Variants in CDH18 observed in about 807,000 individuals in gnomAD.
CDH18 encodes cadherin 18, also known as cadherin-18.
A neutral mutation model predicts 67.9 loss-of-function variants in CDH18; 31 were observed. That is an observed-to-expected ratio of 0.46 (90% CI 0.34 to 0.62). The LOEUF (loss-of-function observed/expected upper bound fraction) is 0.62, where lower values mean the gene tolerates loss of function less well. Ranked by LOEUF, CDH18 falls within the 20% of genes least tolerant of loss-of-function variation. The pLI, the probability that CDH18 is intolerant of heterozygous loss-of-function variation, is 0.01. For missense variants in CDH18, 890 were observed against 975.5 expected (o/e 0.91, Z 1.17); for synonymous variants, 362 against 347.2 (o/e 1.04, Z -0.48).
chr5:20,418,275 A>G (rs1226748432), intron 1 of CDH18, among the ~76,000 whole-genome samples: 2 of 18,438 alleles, frequency 1.1e-4, no homozygotes, highest in East Asian at 2.6e-3. Flanking sequence ...TTGTATTTTC[A>G]GTAGAGACGG....
intron 1 of CDH18, among the ~76,000 whole-genome samples, chr5:19,982,998 C>A (rs80068571): frequency 0.44 from 60,879 of 139,768 alleles, 14,968 homozygotes; most frequent in Middle Eastern, 0.62. Flanking sequence ...GCGCCACTGT[C>A]GTCCAGCCTG....
intron 1 of CDH18, among the ~76,000 whole-genome samples, chr5:20,377,366 T>C (rs1178525581): frequency 6.6e-6 from 1 of 152,202 alleles, no homozygotes; most frequent in Non-Finnish European, 1.5e-5. Flanking sequence ...GAAAGAGATA[T>C]TTGATTTTGT....
In CDH18 at chr5:20,264,233, G is replaced by A. The variant is rs553089664; in HGVS notation, c.-579-8728C>T. 1.5e-3 allele frequency among the ~76,000 whole-genome samples: 225 copies of A among 152,062 alleles called. 1 individual carries two copies. The highest frequency in any genetic ancestry group is 3.4e-4 in the Non-Finnish European group (23 of 67,936). ...GACCATGAATACTCTATGAAACAGC[G>A]AATTTTGCCAGTGAAGATACTGATG... On this transcript the variant is annotated intron_variant, in intron 1 of 14. Coordinates refer to the CDH18 transcript ENST00000507958.
At chr5:19,683,344 G>T (rs1055377522) in intron 5 of CDH18, among the ~76,000 whole-genome samples, 2 of 152,018 alleles carry the variant, frequency 1.3e-5, no homozygotes, top group Non-Finnish European at 2.9e-5. Flanking sequence ...TTCTTAGACA[G>T]TTGATTACTA....
chr5:20,511,197 C>T (rs1047407015), intron 1 of CDH18, among the ~76,000 whole-genome samples: 5 of 152,066 alleles, frequency 3.3e-5, no homozygotes, highest in African/African-American at 1.2e-4. Flanking sequence ...ATTGATAGTA[C>T]ACCAGAAGAA....
intron 8 of CDH18, among the ~76,000 whole-genome samples, chr5:19,570,434 T>C (rs746791739): frequency 3.9e-5 from 6 of 152,176 alleles, no homozygotes; most frequent in Non-Finnish European, 5.9e-5. Context: ...ATTGCTTCAC[T>C]ACATGCATGG....
chr5:19,556,127 C>T (rs2127176160), intron 8 of CDH18, among the ~76,000 whole-genome samples: 1 of 152,212 alleles, frequency 6.6e-6, no homozygotes, highest in South Asian at 2.1e-4. Flanking sequence ...TGAACAACAG[C>T]CTGAGTCACA....
intron 3 of CDH18, among the ~76,000 whole-genome samples, chr5:19,767,015 T>G (rs1346720216): frequency 6.6e-6 from 1 of 151,718 alleles, no homozygotes; most frequent in Non-Finnish European, 1.5e-5. Flanking sequence ...TTAATAAATA[T>G]TATTAAAAAT....
intron 5 of CDH18, among the ~76,000 whole-genome samples, chr5:19,715,997 T>G (rs2150553614): frequency 6.6e-6 from 1 of 152,112 alleles, no homozygotes; most frequent in Middle Eastern, 3.4e-3. Flanking sequence ...TTTGTATTTT[T>G]CAGCAGAGAC....
chr5:19,905,793 G>T (rs556099155), intron 2 of CDH18, among the ~76,000 whole-genome samples: 41 of 151,994 alleles, frequency 2.7e-4, no homozygotes, highest in African/African-American at 8.7e-4. Context: ...AGAAGGATTT[G>T]CAAATGATCT....
intron 7 of CDH18, among the ~76,000 whole-genome samples, chr5:19,574,177 T>G (rs1340828438): frequency 1.3e-5 from 2 of 152,224 alleles, no homozygotes; most frequent in East Asian, 3.8e-4. Context: ...CTTGTTCCAT[T>G]TCTTAGCAGG....
chr5:20,450,992 G>A (rs565384499), intron 1 of CDH18, among the ~76,000 whole-genome samples: 171 of 152,214 alleles, frequency 1.1e-3, no homozygotes, highest in African/African-American at 4.1e-3. Context: ...ACTATCATGA[G>A]AACAGCTTGG....
intron 3 of CDH18, among the ~76,000 whole-genome samples, chr5:19,763,150 T>C (rs1056240704): frequency 3.3e-4 from 50 of 152,140 alleles, no homozygotes; most frequent in African/African-American, 1.2e-3. Flanking sequence ...CTAATGTAAA[T>C]GATGAGTTAA....
At chr5:20,248,281 T>C (rs1254164359) in intron 2 of CDH18, among the ~76,000 whole-genome samples, 1 of 152,206 alleles carries the variant, frequency 6.6e-6, no homozygotes, top group Non-Finnish European at 1.5e-5. Context: ...GATGCTTGAC[T>C]TTAAGCAACA....
At chr5:20,436,018 T>C (rs1465317653) in intron 1 of CDH18, among the ~76,000 whole-genome samples, 2 of 152,062 alleles carry the variant, frequency 1.3e-5, no homozygotes, top group Non-Finnish European at 2.9e-5. Flanking sequence ...AGAAGCCATA[T>C]GATCTAGAAC....
chr5:19,691,384 T>C (rs1407379780), intron 5 of CDH18, among the ~76,000 whole-genome samples: 1 of 151,894 alleles, frequency 6.6e-6, no homozygotes, highest in African/African-American at 2.4e-5. Context: ...CTAAATGACC[T>C]AGCCATAGAC....
chr5:20,242,638 A>ATATATATATACATATATATATATG (rs1743068798), intron 2 of CDH18, among the ~76,000 whole-genome samples: 12 of 109,478 alleles, frequency 1.1e-4, no homozygotes, highest in African/African-American at 6.4e-4. Context: ...ATATATGTAT[A>ATATATATATACATATATATATATG]TATATATATA....
chr5:19,689,048 T>C (rs886299940), intron 5 of CDH18, among the ~76,000 whole-genome samples: 12 of 151,924 alleles, frequency 7.9e-5, no homozygotes, highest in Non-Finnish European at 1.3e-4. Flanking sequence ...CATAAAGCAA[T>C]AAAATATTTA....
chr5:20,028,031 A>T (rs1739065407), intron 2 of CDH18, among the ~76,000 whole-genome samples: 1 of 152,146 alleles, frequency 6.6e-6, no homozygotes, highest in African/African-American at 2.4e-5. Flanking sequence ...AAAAGACTTA[A>T]TTTTACACAT....
Sources: gnomAD v4.1 joint callset for allele counts (sites outside exome capture counted in the v4.1 genomes callset) on GRCh38, gnomAD v4.1.1 for gene constraint, MANE v1.5 for transcripts, NCBI Gene and HGNC (gene_info 2026-07-23, HGNC 2026-07-21) for gene names.